MIA2: variants seen among roughly 807,000 people sequenced by gnomAD.
MIA2 encodes MIA SH3 domain ER export factor 2.
MIA2 carries 127 observed loss-of-function variants against 167.8 expected under a neutral mutation model. The ratio of observed to expected loss-of-function variants is 0.76; its 90% CI spans 0.66 to 0.88. MIA2 has a LOEUF of 0.88. Ranked by LOEUF, MIA2 falls within the 40% of genes least tolerant of loss-of-function variation. MIA2 has a pLI of 0.00. For synonymous variants in MIA2, 552 were observed against 541.9 expected, an observed-to-expected ratio of 1.02 and a Z score of -0.26; for missense variants, 1,690 against 1,624.7, an observed-to-expected ratio of 1.04 and a Z score of -0.69.
intron 14 of MIA2, among the ~76,000 whole-genome samples, chr14:39,301,082 T>C (rs971434538): frequency 1.4e-5 from 2 of 144,948 alleles, no homozygotes; most frequent in African/African-American, 5.2e-5. Flanking sequence ...ACACACGAGA[T>C]GGACTTTCAA....
intron 3 of MIA2, among the ~76,000 whole-genome samples, chr14:39,243,099 G>A (rs542344743): frequency 6.8e-6 from 1 of 147,844 alleles, no homozygotes; most frequent in Non-Finnish European, 1.5e-5. Context: ...CTCCAGCCTG[G>A]GTGACAGAGT....
rs372087077 is a variant in MIA2 at position 39,300,953 on chromosome 14, CAT to C, written c.2619+969_2619+970del. 9.7e-3 allele frequency among the ~76,000 whole-genome samples: 97 copies of C among 9,974 alleles called. 1 individual carries two copies. The highest frequency in any genetic ancestry group is 0.032 in the East Asian group (6 of 186). 6.5% of individuals were successfully genotyped at this position (9,974 alleles called of 152,430 possible). A position where few individuals can be genotyped will look rare whatever the true frequency, so the allele number is the denominator to read the frequency against. ...ACACACACATATATACATATATACA[CAT>C]ACATATACACATATATACACATATA... On this transcript the variant is annotated intron_variant, in intron 14 of 28. Transcript: ENST00000640607.
At chr14:39,373,868 A>G (rs115655623) in intron 23 of MIA2, among the ~76,000 whole-genome samples, 3,114 of 152,214 alleles carry the variant, frequency 0.02, 109 homozygotes, top group African/African-American at 0.069. Context: ...CATAAGAAAA[A>G]AAACAAACTC....
At chr14:39,339,932 A>T (rs1378745114) in intron 25 of MIA2, among the ~76,000 whole-genome samples, 3 of 152,134 alleles carry the variant, frequency 2.0e-5, no homozygotes, top group Non-Finnish European at 4.4e-5. Flanking sequence ...TACAGCCTCG[A>T]CCTCCTGGGC....
chr14:39,313,837 A>G (rs1035864898), intron 19 of MIA2, among the ~76,000 whole-genome samples: 1 of 152,220 alleles, frequency 6.6e-6, no homozygotes, highest in African/African-American at 2.4e-5. Flanking sequence ...AGAGTGAGCC[A>G]TAGAGCATTT....
chr14:39,315,651 G>T (rs751102271), intron 20 of MIA2, 32 bp from the exon 21 acceptor site: 2 of 1,493,428 alleles, frequency 1.3e-6, no homozygotes, highest in Admixed American at 3.6e-5. Flanking sequence ...AAAAATAATG[G>T]TCAGTAGCAT....
At chr14:39,357,624 G>T (rs960541256) in intron 23 of MIA2, among the ~76,000 whole-genome samples, 2 of 152,162 alleles carry the variant, frequency 1.3e-5, no homozygotes, top group Non-Finnish European at 2.9e-5. Context: ...TTGCTCGTTA[G>T]TTGATGCACT....
At chr14:39,243,408 C>T (rs566892563) in intron 3 of MIA2, among the ~76,000 whole-genome samples, 18 of 152,258 alleles carry the variant, frequency 1.2e-4, no homozygotes, top group African/African-American at 3.4e-4. Context: ...TTAATCCTCA[C>T]GACACCTCGG....
rs530046850 is a variant in MIA2, at chr14:39,259,865, G to A, written c.1887+6694G>A. Among the ~76,000 whole-genome samples the A allele has an allele frequency of 1.3e-3, 199 of 151,626 alleles. 1 individual carries two copies. Among genetic ancestry groups the A allele is most frequent in the Middle Eastern group, 6.8e-3 (2 of 294 alleles). On this transcript the variant is annotated intron_variant, in intron 6 of 28. Coordinates refer to ENST00000640607, the MANE Select transcript of MIA2 (RefSeq NM_001329214.4). Reference sequence around the variant, plus strand: ...AATGCTATCCCTCTCCTATCCCCCCGCCAACATGACAGGCCCCGGTGTGTG... The same window carrying A: ...AATGCTATCCCTCTCCTATCCCCCCACCAACATGACAGGCCCCGGTGTGTG...
At chr14:39,307,612 C>G (rs1007272221) in intron 17 of MIA2, among the ~76,000 whole-genome samples, 7 of 151,942 alleles carry the variant, frequency 4.6e-5, no homozygotes, top group African/African-American at 7.3e-5. Context: ...GTTGGCCAGG[C>G]TGGTCTTGAA....
In MIA2 at chr14:39,299,265, T is replaced by C. The variant is rs540208998; in HGVS notation, c.2497-599T>C. On this transcript the variant is annotated intron_variant, in intron 13 of 28. Transcript: ENST00000640607. ...TGTAAAAGTATATATAGTAGAATAC[T>C]GTTGTGGAGAATCTGATCTGTTCTA... is the stretch of plus-strand genomic sequence containing the variant. Among the ~76,000 whole-genome samples the C allele has an allele frequency of 2.7e-5, 4 of 150,168 alleles. No individual in the cohort carries two copies. In the South Asian group the frequency reaches 6.3e-4, roughly 24 times the overall value.
At chr14:39,239,343 C>T (rs146998238) in intron 2 of MIA2, among the ~76,000 whole-genome samples, 9 of 151,862 alleles carry the variant, frequency 5.9e-5, no homozygotes, top group Non-Finnish European at 1.2e-4. Flanking sequence ...ACCAAGAGTT[C>T]GAGACTAGCC....
In MIA2 at chr14:39,308,541, A is replaced by T; in HGVS notation, c.2971A>T (p.Lys991Ter). Residue 991 changes from lysine to a stop codon, truncating the protein, a stop_gained, in exon 18 of 29, where the codon AAA becomes TAA. Coordinates refer to ENST00000640607, the MANE Select transcript of MIA2 (RefSeq NM_001329214.4). LOFTEE classifies it high-confidence loss of function. Reference protein sequence around the residue: ...NENQKLQQKLKVMTELYQENE... With the variant: ...NENQKLQQKL ...GAATCAGAAGCTTCAACAGAAACTT[A>T]AAGTAATGACTGAATTATATCAAGA... The T allele has an allele frequency of 6.3e-7, 1 of 1,575,394 alleles. No homozygotes were observed. Among genetic ancestry groups the T allele is most frequent in the Non-Finnish European group, 8.6e-7 (1 of 1,158,298 alleles).
intron 25 of MIA2, among the ~76,000 whole-genome samples, chr14:39,339,474 T>C (rs2153045407): frequency 6.6e-6 from 1 of 152,202 alleles, no homozygotes; most frequent in South Asian, 2.1e-4. Flanking sequence ...ATGTTAACTC[T>C]ATATTTTTTG....
intron 26 of MIA2, among the ~76,000 whole-genome samples, chr14:39,346,638 C>T (rs1296883094): frequency 6.7e-6 from 1 of 148,732 alleles, no homozygotes; most frequent in East Asian, 1.9e-4. Flanking sequence ...AAGGTTTCCT[C>T]AGGAAAGGAC....
intron 13 of MIA2, among the ~76,000 whole-genome samples, chr14:39,299,101 A>C (rs903993903): frequency 6.8e-6 from 1 of 147,300 alleles, no homozygotes; most frequent in Non-Finnish European, 1.5e-5. Flanking sequence ...AAAAAAAGAA[A>C]TAATTCCTTT....
chr14:39,276,802 C>T (rs2058065691), intron 6 of MIA2, 132 bp from the exon 7 acceptor site: 2 of 891,282 alleles, frequency 2.2e-6, no homozygotes, highest in East Asian at 2.6e-5. Context: ...AAAAAATGTA[C>T]TCTGATACTT....
At chr14:39,311,814 A>T (rs916979152) in intron 18 of MIA2, among the ~76,000 whole-genome samples, 3 of 130,778 alleles carry the variant, frequency 2.3e-5, no homozygotes, top group African/African-American at 8.8e-5. Context: ...TTAAATATAT[A>T]TGATGGTTTT....
intron 22 of MIA2, among the ~76,000 whole-genome samples, chr14:39,318,643 T>C (rs974086837): frequency 1.3e-5 from 2 of 152,174 alleles, no homozygotes; most frequent in Non-Finnish European, 2.9e-5. Flanking sequence ...TTATATCTCA[T>C]GATTAAGAAC....
Sources: gnomAD v4.1 joint callset for allele counts (sites outside exome capture counted in the v4.1 genomes callset) on GRCh38, gnomAD v4.1.1 for gene constraint, MANE v1.5 for transcripts, NCBI Gene and HGNC (gene_info 2026-07-23, HGNC 2026-07-21) for gene names.